Variants in DLGAP2 observed in about 807,000 individuals in gnomAD.
The protein encoded by DLGAP2 is DLG associated protein 2, also known as disks large-associated protein 2.
In DLGAP2, 26 loss-of-function variants were observed where a neutral mutation model predicts 100.3. The ratio of observed to expected loss-of-function variants is 0.26; its 90% CI spans 0.19 to 0.36. The LOEUF is 0.36. DLGAP2 is among the 10% of genes least tolerant of loss of function. The pLI is 1.00. For missense variants in DLGAP2, 1,858 were observed against 1,453.2 expected (o/e 1.28, Z -4.53); for synonymous variants, 886 against 630.1 (o/e 1.41, Z -6.08).
intron 2 of DLGAP2, among the ~76,000 whole-genome samples, chr8:1,052,917 A>C (rs546289873): frequency 6.6e-6 from 1 of 152,216 alleles, no homozygotes; most frequent in African/African-American, 2.4e-5. Flanking sequence ...CCAAATGTCT[A>C]TATAGAGAAC....
At chr8:1,250,076 T>C (rs891297325) in intron 2 of DLGAP2, among the ~76,000 whole-genome samples, 6 of 152,170 alleles carry the variant, frequency 3.9e-5, no homozygotes, top group African/African-American at 1.2e-4. Context: ...AGATGGGGTT[T>C]CACCATGTTG....
chr8:1,558,176 C>T lies in DLGAP2; in HGVS notation c.1231-7507C>T, dbSNP rs569269202. Among the ~76,000 whole-genome samples, 211 of 152,280 alleles carry T rather than the reference C, an allele frequency of 1.4e-3. 1 individual carries two copies. The highest frequency in any genetic ancestry group is 4.9e-3 in the African/African-American group (202 of 41,560). On this transcript the variant is annotated intron_variant, in intron 5 of 14. Transcript: ENST00000637795. ...CATGCAGCGCCTCTGTTGGTGGCCTCCTGGTGTCCATGAGCCCGTGGCTCC... is the reference window on the plus strand; with the variant it reads ...CATGCAGCGCCTCTGTTGGTGGCCTTCTGGTGTCCATGAGCCCGTGGCTCC...
chr8:1,308,040 T>C (rs962339731), intron 3 of DLGAP2, among the ~76,000 whole-genome samples: 1 of 152,262 alleles, frequency 6.6e-6, no homozygotes, highest in African/African-American at 2.4e-5. Flanking sequence ...AGAACCCATG[T>C]ACATGGGGGA....
At chr8:1,311,538 A>G (rs73670726) in intron 3 of DLGAP2, among the ~76,000 whole-genome samples, 2,022 of 152,310 alleles carry the variant, frequency 0.013, 53 homozygotes, top group African/African-American at 0.045. Context: ...ACAGAATACC[A>G]GCAAACTTAA....
intron 3 of DLGAP2, among the ~76,000 whole-genome samples, chr8:1,414,649 G>A (rs75202903): frequency 6.6e-6 from 1 of 151,900 alleles, no homozygotes; most frequent in Non-Finnish European, 1.5e-5. Context: ...CGCCATCTAC[G>A]CACGTCCAGG....
At chr8:1,184,429 G>A (rs76040345) in intron 2 of DLGAP2, among the ~76,000 whole-genome samples, 5,051 of 152,260 alleles carry the variant, frequency 0.033, 312 homozygotes, top group African/African-American at 0.12. Flanking sequence ...AATGCTGGAA[G>A]CATCCCGTGT....
intron 1 of DLGAP2, among the ~76,000 whole-genome samples, chr8:781,283 G>A (rs1005524989): frequency 7.2e-5 from 11 of 151,938 alleles, no homozygotes; most frequent in African/African-American, 2.4e-4. Context: ...TTTTGCTTAT[G>A]TTTTCTCTAT....
At chr8:1,489,153 G>A (rs968427895) in intron 3 of DLGAP2, among the ~76,000 whole-genome samples, 2 of 152,214 alleles carry the variant, frequency 1.3e-5, no homozygotes, top group African/African-American at 2.4e-5. Context: ...CCTGTGGACT[G>A]TAAAAGCCTG....
intron 1 of DLGAP2, among the ~76,000 whole-genome samples, chr8:869,622 T>C (rs1234375262): frequency 6.6e-6 from 1 of 152,156 alleles, no homozygotes; most frequent in African/African-American, 2.4e-5. Flanking sequence ...TGGATAAAGG[T>C]GAATTTAATC....
intron 3 of DLGAP2, among the ~76,000 whole-genome samples, chr8:1,392,089 G>A (rs537082295): frequency 6.6e-6 from 1 of 152,224 alleles, no homozygotes; most frequent in African/African-American, 2.4e-5. Flanking sequence ...TCATAGGACT[G>A]AGAGCATGAA....
At chr8:1,387,124 G>A (rs541500862) in intron 3 of DLGAP2, among the ~76,000 whole-genome samples, 1 of 152,306 alleles carries the variant, frequency 6.6e-6, no homozygotes, top group East Asian at 1.9e-4. Flanking sequence ...AAACAGCAGA[G>A]CCGTCGTGAT....
chr8:1,136,308 A>T (rs1332443680), intron 2 of DLGAP2, among the ~76,000 whole-genome samples: 2 of 151,768 alleles, frequency 1.3e-5, no homozygotes, highest in Non-Finnish European at 2.9e-5. Context: ...CGTAAAAAAA[A>T]ACTCCCCTCC....
intron 2 of DLGAP2, among the ~76,000 whole-genome samples, chr8:1,057,264 G>T (rs1289582678): frequency 6.6e-6 from 1 of 152,188 alleles, no homozygotes; most frequent in African/African-American, 2.4e-5. Context: ...AGGAGTTTTA[G>T]CACAGGTAAA....
At chr8:1,339,330 CAGTG>C (rs1801366809) in intron 3 of DLGAP2, among the ~76,000 whole-genome samples, 1 of 151,386 alleles carries the variant, frequency 6.6e-6, no homozygotes, top group African/African-American at 2.4e-5. Flanking sequence ...GCAGTGACCT[CAGTG>C]AGGCATGAGG....
intron 2 of DLGAP2, among the ~76,000 whole-genome samples, chr8:1,126,137 G>A (rs1796158360): frequency 6.6e-6 from 1 of 152,224 alleles, no homozygotes; most frequent in Non-Finnish European, 1.5e-5. Context: ...ACGTGAGGCA[G>A]TGGTGCCGTG....
chr8:1,561,007 CAT>C (rs1802139149), intron 5 of DLGAP2, among the ~76,000 whole-genome samples: 2 of 152,284 alleles, frequency 1.3e-5, no homozygotes, highest in African/African-American at 4.8e-5. Context: ...CCATAATCCT[CAT>C]GTGTCATGAG....
At chr8:1,583,943 G>T (rs76549702) in intron 6 of DLGAP2, among the ~76,000 whole-genome samples, 1 of 151,920 alleles carries the variant, frequency 6.6e-6, no homozygotes, top group Admixed American at 6.6e-5. Flanking sequence ...CCTTGCTGCC[G>T]GTCATCCTTC....
chr8:1,193,261 A>T (rs1797677958), intron 2 of DLGAP2, among the ~76,000 whole-genome samples: 1 of 152,172 alleles, frequency 6.6e-6, no homozygotes, highest in South Asian at 2.1e-4. Flanking sequence ...GTCTTCCACA[A>T]TGGTTGAACC....
intron 6 of DLGAP2, among the ~76,000 whole-genome samples, chr8:1,601,808 T>C (rs191746994): frequency 1.3e-5 from 2 of 152,290 alleles, no homozygotes; most frequent in East Asian, 3.9e-4. Context: ...TCTCCCTAAA[T>C]GGTTCCTCTC....
Sources: allele counts gnomAD v4.1 joint callset (sites outside exome capture counted in the v4.1 genomes callset), GRCh38; gene constraint gnomAD v4.1.1; transcripts MANE v1.5; gene names NCBI Gene and HGNC (gene_info 2026-07-23, HGNC 2026-07-21).